NPTX2: variants seen among roughly 807,000 people sequenced by gnomAD.
NPTX2 encodes neuronal pentraxin-2.
Under a neutral mutation model 38.1 loss-of-function variants are expected in NPTX2, and 23 were observed. The ratio of observed to expected loss-of-function variants is 0.60; its 90% CI spans 0.43 to 0.85. The LOEUF (loss-of-function observed/expected upper bound fraction) is 0.85. Ranked by LOEUF, NPTX2 falls within the 40% of genes least tolerant of loss-of-function variation. NPTX2 has a pLI of 0.00. For synonymous variants in NPTX2, 291 were observed against 287.3 expected (o/e 1.01, Z -0.13); for missense variants, 553 against 615.3 (o/e 0.90, Z 1.07).
At chr7:98,628,345 T>C in intron 4 of NPTX2, 57 bp from the exon 5 acceptor site, 1 of 780,516 alleles carries the variant, frequency 1.3e-6, no homozygotes, top group Non-Finnish European at 2.2e-6. Flanking sequence ...CTGCAGCCCG[T>C]GTGCAGGGGG....
At chr7:98,618,603 C>A (rs1303331932) in intron 1 of NPTX2, among the ~76,000 whole-genome samples, 2 of 120,216 alleles carry the variant, frequency 1.7e-5, no homozygotes, top group Non-Finnish European at 3.6e-5. Flanking sequence ...CGTCCCCCCC[C>A]CCCGCCCCCC....
chr7:98,624,882 G>T, intron 2 of NPTX2, 40 bp from the exon 3 acceptor site: 1 of 1,585,954 alleles, frequency 6.3e-7, no homozygotes, highest in Middle Eastern at 1.7e-4. Context: ...TGGTGGGGTG[G>T]CCTAACGCAC....
At chr7:98,622,251 T>C (rs2115618955) in intron 2 of NPTX2, among the ~76,000 whole-genome samples, 1 of 152,334 alleles carries the variant, frequency 6.6e-6, no homozygotes, top group Non-Finnish European at 1.5e-5. Context: ...TAACCAAGTT[T>C]CCTCCAAACC....
chr7:98,626,408 C>T (rs543996012), intron 3 of NPTX2, among the ~76,000 whole-genome samples: 3 of 151,744 alleles, frequency 2.0e-5, no homozygotes, highest in Admixed American at 6.5e-5. Flanking sequence ...GTTTAAAAAA[C>T]GCTGTGGCAT....
At position 98,619,843 on chromosome 7, in the gene NPTX2, C is replaced by T. The variant is rs1401461841; in HGVS notation, c.627C>T (p.Val209=). 1 of 1,613,828 alleles carries T rather than the reference C, an allele frequency of 6.2e-7. No homozygotes were observed. Among genetic ancestry groups the T allele is most frequent in the South Asian group, 1.1e-5 (1 of 91,042 alleles). Reference sequence around the variant, plus strand: ...CCCTGAACGCGCTGCTGCAGAGGGTCACCGAGCTGGAGCGAGGTGTGTGCC... The same window carrying T: ...CCCTGAACGCGCTGCTGCAGAGGGTTACCGAGCTGGAGCGAGGTGTGTGCC... ...ESTLNALLQR[V]TELERGNSAF... Residue 209 remains valine, a synonymous_variant, in exon 2 of 5, where the codon GTC becomes GTT. Transcript: ENST00000265634.
Position 98,617,614 on chromosome 7 carries a change from C to T in NPTX2, c.153C>T (p.Gly51=). The change falls in exon 1 of 5, where the codon GGC becomes GGT. Residue 51 remains glycine, a synonymous_variant. Transcript: ENST00000265634. ...CPLPAMPMQG[G]AQSPEEELRA... is the part of the protein sequence containing the mutation. ...TGCCCGCGATGCCCATGCAGGGCGG[C>T]GCGCAGAGTCCCGAGGAGGAGCTGA... is the stretch of plus-strand genomic sequence containing the variant. 2 of 1,490,706 alleles carry T rather than the reference C, an allele frequency of 1.3e-6. No individual in the cohort carries two copies. The highest frequency in any genetic ancestry group is 2.2e-5 in the Admixed American group (1 of 45,526). The allele number at this position is 1,490,706 out of a possible 1,614,324, so 92.3% of individuals were successfully genotyped here. A position where few individuals can be genotyped will look rare whatever the true frequency, so the allele number is the denominator to read the frequency against.
At position 98,628,766 on chromosome 7, in the gene NPTX2, A is replaced by G. The variant is rs1791395273; in HGVS notation, c.*137A>G. 2 of 545,692 alleles carry G rather than the reference A, an allele frequency of 3.7e-6. No individual in the cohort carries two copies. The highest frequency in any genetic ancestry group is 6.5e-6 in the Non-Finnish European group (2 of 306,016). 33.8% of individuals were successfully genotyped at this position (545,692 alleles called of 1,614,324 possible). ...TCATTCCCCAGGAATCTCTAAGACC[A>G]GGGCTGGGGCAGTGTCTGTCACTGG... is the stretch of plus-strand genomic sequence containing the variant. On this transcript the variant is annotated 3_prime_UTR_variant, in exon 5 of 5. Coordinates refer to ENST00000265634, the MANE Select transcript of NPTX2 (RefSeq NM_002523.3).
At chr7:98,624,785 T>C (rs1791319717) in intron 2 of NPTX2, 137 bp from the exon 3 acceptor site, 1 of 1,055,548 alleles carries the variant, frequency 9.5e-7, no homozygotes, top group African/African-American at 1.6e-5. Flanking sequence ...GAGCGGTCTT[T>C]GGTCGCTTGC....
intron 2 of NPTX2, among the ~76,000 whole-genome samples, chr7:98,620,511 T>C (rs1791254757): frequency 6.6e-6 from 1 of 152,176 alleles, no homozygotes; most frequent in African/African-American, 2.4e-5. Context: ...TCCTAGTCTC[T>C]TCCTACAGAA....
intron 4 of NPTX2, among the ~76,000 whole-genome samples, chr7:98,627,625 G>A (rs1251050618): frequency 6.6e-6 from 1 of 152,194 alleles, no homozygotes; most frequent in African/African-American, 2.4e-5. Context: ...GGGACCAGGT[G>A]GGTGTGTGGT....
chr7:98,620,692 T>G (rs1197643219), intron 2 of NPTX2, among the ~76,000 whole-genome samples: 1 of 152,044 alleles, frequency 6.6e-6, no homozygotes, highest in Admixed American at 6.5e-5. Flanking sequence ...GTGGCCCTCC[T>G]CCCATGACAG....
Position 98,627,260 on chromosome 7 carries a change from C to T in NPTX2, c.984C>T (p.Asp328=), listed in dbSNP as rs781445701. 4.2e-5 allele frequency: 67 copies of T among 1,613,486 alleles called. 1 individual carries two copies. The highest frequency in any genetic ancestry group is 1.0e-4 in the Admixed American group (6 of 60,002). ...TRDGMWEAFQ[D]GEKLGTGENL... ...ATGGCATGTGGGAGGCATTCCAGGA[C>T]GGAGAGAAGCTGGGCACTGGGGAGA... The change falls in exon 4 of 5, where the codon GAC becomes GAT. Residue 328 remains aspartate, a synonymous_variant. Coordinates refer to ENST00000265634, the MANE Select transcript of NPTX2 (RefSeq NM_002523.3).
Position 98,619,698 on chromosome 7 carries a change from T to A in NPTX2, c.482T>A (p.Val161Glu), listed in dbSNP as rs765917928. The change falls in exon 2 of 5, where the codon GTG (valine) becomes GAG (glutamate). Residue 161 changes from valine to glutamate, a missense_variant. Coordinates refer to ENST00000265634, the MANE Select transcript of NPTX2 (RefSeq NM_002523.3). ...GGGCTGCCCGGCGACTTCCGCGAGG[T>A]GCTCCAGCAGCGGCTGGGGGAGCTG... ...NAGLPGDFREVLQQRLGELER... is the reference protein window; with the variant it reads ...NAGLPGDFREELQQRLGELER... The A allele has an allele frequency of 8.7e-6, 14 of 1,613,292 alleles. No individual in the cohort carries two copies. In the Admixed American group the frequency reaches 1.8e-4, roughly 21 times the overall value.
At chr7:98,617,932 C>T (rs761299922) in intron 1 of NPTX2, 45 bp downstream of exon 1, 2 of 1,522,410 alleles carry the variant, frequency 1.3e-6, no homozygotes, top group East Asian at 4.9e-5. Flanking sequence ...TGGGGACGCT[C>T]CCGAGTCGGG....
chr7:98,623,663 G>T (rs529676684), intron 2 of NPTX2, among the ~76,000 whole-genome samples: 1 of 152,272 alleles, frequency 6.6e-6, no homozygotes, highest in East Asian at 1.9e-4. Flanking sequence ...TTAAGTTATG[G>T]AGTCAAGACC....
rs375167666 is a variant in NPTX2, at chr7:98,625,057, C to T, written c.779C>T (p.Ala260Val). The T allele has an allele frequency of 2.5e-6, 4 of 1,613,448 alleles. No homozygotes were observed. Among genetic ancestry groups the T allele is most frequent in the African/African-American group, 1.3e-5 (1 of 74,944 alleles). The change falls in exon 3 of 5, where the codon GCC becomes GTC. Residue 260 changes from alanine to valine, a missense_variant. By Grantham distance (64) the Ala-to-Val change is moderately conservative. Coordinates refer to ENST00000265634, the MANE Select transcript of NPTX2 (RefSeq NM_002523.3). ...FTICLWLRSSASPGIGTPFSY... is the reference protein window; with the variant it reads ...FTICLWLRSSVSPGIGTPFSY... ...ATCTGCCTGTGGCTGCGGTCCAGCGCCTCACCAGGCATTGGCACCCCCTTC... is the reference window on the plus strand; with the variant it reads ...ATCTGCCTGTGGCTGCGGTCCAGCGTCTCACCAGGCATTGGCACCCCCTTC...
At chr7:98,618,050 G>A (rs1791203168) in intron 1 of NPTX2, among the ~76,000 whole-genome samples, 163 bp downstream of exon 1, 1 of 152,292 alleles carries the variant, frequency 6.6e-6, no homozygotes, top group African/African-American at 2.4e-5. Context: ...TCTAGATCCT[G>A]CTCGGGAACT....
At chr7:98,624,202 C>G (rs1791309624) in intron 2 of NPTX2, among the ~76,000 whole-genome samples, 2 of 152,290 alleles carry the variant, frequency 1.3e-5, no homozygotes, top group Admixed American at 1.3e-4. Flanking sequence ...AGCAGTCTTC[C>G]CACCTCAGCC....
At chr7:98,624,573 T>C (rs1356591263) in intron 2 of NPTX2, among the ~76,000 whole-genome samples, 2 of 152,110 alleles carry the variant, frequency 1.3e-5, no homozygotes, top group Admixed American at 6.5e-5. Context: ...TGCAGGTCTT[T>C]CCAGGCCTTC....
Sources: allele counts gnomAD v4.1 joint callset (sites outside exome capture counted in the v4.1 genomes callset), GRCh38; gene constraint gnomAD v4.1.1; transcripts MANE v1.5; gene names NCBI Gene and HGNC (gene_info 2026-07-23, HGNC 2026-07-21).